DDX3X: variants seen among roughly 807,000 people sequenced by gnomAD.
The protein encoded by DDX3X is DEAD-box helicase 3 X-linked, also known as ATP-dependent RNA helicase DDX3X.
DDX3X carries 4 observed loss-of-function variants against 52.7 expected under a neutral mutation model. That is an observed-to-expected ratio of 0.08 (90% confidence interval 0.04 to 0.17). The LOEUF is 0.17. Ranked by LOEUF, DDX3X falls within the 10% of genes least tolerant of loss-of-function variation. The pLI, the probability that DDX3X is intolerant of heterozygous loss-of-function variation, is 1.00. For missense variants in DDX3X, 222 were observed against 548.6 expected (o/e 0.40, Z 5.95); for synonymous variants, 192 against 178.1 (o/e 1.08, Z -0.62).
At chrX:41,343,850 T>C in intron 8 of DDX3X, 28 bp downstream of exon 8, 1 of 1,116,793 alleles carries the variant, frequency 9.0e-7, no homozygotes, top group South Asian at 1.9e-5. Flanking sequence ...AAATGGGAAA[T>C]TGTAGAACTT....
chrX:41,353,047 C>G (rs1002800405), downstream of DDX3X, among the ~76,000 whole-genome samples: 1 of 111,845 alleles, frequency 8.9e-6, no homozygotes, highest in Non-Finnish European at 1.9e-5. Context: ...CAGACCTTAT[C>G]CTGTAGCTGA....
intron 3 of DDX3X, chrX:41,340,590 G>T (rs1440078655): frequency 1.2e-5 from 3 of 260,489 alleles, no homozygotes; most frequent in African/African-American, 5.6e-5. Flanking sequence ...CAGGAACCTT[G>T]TCTATACTGA....
At position 41,342,856 on chromosome X, in the gene DDX3X, T is replaced by G; in HGVS notation, c.543+20T>G. ...GAAAGTGTGAGTATTTTTGCTTGAC[T>G]TTTTAAGACACAGAGAGGTTAAATG... On this transcript the variant is annotated intron_variant, in intron 6 of 16. Coordinates refer to ENST00000644876, the MANE Select transcript of DDX3X (RefSeq NM_001356.5). 8.8e-7 allele frequency: 1 copy of G among 1,134,040 alleles called. No homozygotes were observed. Among genetic ancestry groups the G allele is most frequent in the Non-Finnish European group, 1.2e-6 (1 of 824,723 alleles). 93.5% of individuals were successfully genotyped at this position (1,134,040 alleles called of 1,213,427 possible).
intron 4 of DDX3X, 63 bp downstream of exon 4, chrX:41,341,679 G>GGTCAGGATA: frequency 9.6e-7 from 1 of 1,045,338 alleles, no homozygotes; most frequent in Non-Finnish European, 1.3e-6. Context: ...TCGTTATCCT[G>GGTCAGGATA]ACCACCTGTT....
intron 4 of DDX3X, chrX:41,342,220 G>T: frequency 3.6e-6 from 1 of 275,181 alleles, no homozygotes; most frequent in South Asian, 7.4e-5. Context: ...GCTGTGTGCC[G>T]ATTTCAAATA....
rs368761223 is a variant in DDX3X at position 41,344,286 on chromosome X, C to T, written c.912C>T (p.Ala304=). The T allele has an allele frequency of 1.6e-5, 19 of 1,209,360 alleles. No individual in the cohort carries two copies. The highest frequency in any genetic ancestry group is 7.0e-5 in the African/African-American group (4 of 56,984). Residue 304 remains alanine, a synonymous_variant, in exon 10 of 17, where the codon GCC becomes GCT. Coordinates refer to ENST00000644876, the MANE Select transcript of DDX3X (RefSeq NM_001356.5). Reference sequence around the variant, plus strand: ...GTCCTTGCGTGGTTTATGGTGGTGCCGATATTGGTCAGCAGATTCGAGACT... The same window carrying T: ...GTCCTTGCGTGGTTTATGGTGGTGCTGATATTGGTCAGCAGATTCGAGACT... ...RVRPCVVYGG[A]DIGQQIRDLE... is the part of the protein sequence containing the mutation.
chrX:41,361,995 A>G (rs755176519), intron 5 of DDX3X, among the ~76,000 whole-genome samples: 5 of 107,013 alleles, frequency 4.7e-5, no homozygotes, highest in African/African-American at 1.7e-4. Flanking sequence ...TTTCTCTCAT[A>G]CCACTTGTCA....
At chrX:41,343,968 G>A in intron 8 of DDX3X, 62 bp from the exon 9 acceptor site, 1 of 1,035,631 alleles carries the variant, frequency 9.7e-7, no homozygotes. Flanking sequence ...AGGGAATTAT[G>A]TTGTGATGAA....
intron 5 of DDX3X, among the ~76,000 whole-genome samples, chrX:41,356,969 T>G (rs2064012075): frequency 1.0e-5 from 1 of 95,459 alleles, no homozygotes; most frequent in Non-Finnish European, 2.1e-5. Flanking sequence ...AGTCTTGCTC[T>G]GTCACCCAGG....
At chrX:41,343,153 T>C in intron 6 of DDX3X, 63 bp from the exon 7 acceptor site, 2 of 1,128,125 alleles carry the variant, frequency 1.8e-6, no homozygotes, top group Non-Finnish European at 2.4e-6. Context: ...GTTGTTTCCA[T>C]TATTAGTATA....
At chrX:41,354,033 C>T (rs2063999242), downstream of DDX3X, among the ~76,000 whole-genome samples, 2 of 111,452 alleles carry the variant, frequency 1.8e-5, no homozygotes, top group South Asian at 3.7e-4. Flanking sequence ...TTTATCCTTT[C>T]CTGAGCAGAT....
intron 5 of DDX3X, among the ~76,000 whole-genome samples, chrX:41,361,002 C>T (rs2147373459): frequency 9.2e-6 from 1 of 109,133 alleles, no homozygotes; most frequent in Admixed American, 1.0e-4. Context: ...CCTCAGCCTC[C>T]CAAACTGTTG....
At chrX:41,354,398 G>A (rs749358281), downstream of DDX3X, among the ~76,000 whole-genome samples, 9 of 95,089 alleles carry the variant, frequency 9.5e-5, no homozygotes, top group South Asian at 4.0e-3. Flanking sequence ...ACCATAGCTC[G>A]CAGTAGCCTT....
In DDX3X at chrX:41,349,894, T is replaced by TTG. The variant is rs1423187461; in HGVS notation, c.*2181_*2182dup. ...TGTTTGTTGTGTGGATTTTGTTTAG[T>TTG]TGTGTGTTTTTTTTTTTTTTTCAGT... On this transcript the variant is annotated 3_prime_UTR_variant, in exon 17 of 17. Transcript: ENST00000644876. 5 of 103,709 alleles carry TTG rather than the reference T, an allele frequency of 4.8e-5. No individual in the cohort carries two copies. The East Asian group carries it at 1.0e-3, about 21-fold the overall frequency. 8.5% of individuals were successfully genotyped at this position (103,709 alleles called of 1,213,427 possible).
chrX:41,345,386 A>T lies in DDX3X; in HGVS notation c.1171-18A>T, dbSNP rs773747447. On this transcript the variant is annotated intron_variant, in intron 11 of 16. Transcript: ENST00000644876. ...ATTTGTTTATCTCAGGTAATAATAA[A>T]AATTTTTTTTCTTTCAGATGCTGGC... 1.2e-5 allele frequency: 14 copies of T among 1,196,502 alleles called. No homozygotes were observed. In the East Asian group the frequency reaches 1.8e-4, roughly 15 times the overall value.
chrX:41,340,373 T>G (rs12851342), intron 3 of DDX3X: 13,368 of 115,160 alleles, frequency 0.12, 760 homozygotes, highest in Non-Finnish European at 0.17. Context: ...TAACTCTTTC[T>G]TGCTAGCAAA....
chrX:41,345,427 T>A lies in DDX3X; in HGVS notation c.1194T>A (p.Asp398Glu). 8.3e-7 allele frequency: 1 copy of A among 1,205,444 alleles called. No homozygotes were observed. The highest frequency in any genetic ancestry group is 2.3e-4 in the Middle Eastern group (1 of 4,320). ...AGATGCTGGCTCGTGATTTCTTAGA[T>A]GAATATATCTTCTTGGCTGTAGGAA... is the stretch of plus-strand genomic sequence containing the variant. ...EIQMLARDFL[D>E]EYIFLAVGRV... The change falls in exon 12 of 17, where the codon GAT becomes GAA. Residue 398 changes from aspartate to glutamate, a missense_variant. This residue lies in a region of DDX3X where 73 missense variants were observed against 301.4 expected (regional missense o/e 0.24). Coordinates refer to ENST00000644876, the MANE Select transcript of DDX3X (RefSeq NM_001356.5).
chrX:41,347,208 G>C, intron 15 of DDX3X, 104 bp from the exon 16 acceptor site: 2 of 998,494 alleles, frequency 2.0e-6, no homozygotes, highest in Non-Finnish European at 2.8e-6. Context: ...GCTGGATGGG[G>C]AATTGTTTGA....
rs1008965180 is a variant in DDX3X at position 41,334,288 on chromosome X, G to C, written c.36G>C (p.Leu12=). 8.3e-7 allele frequency: 1 copy of C among 1,211,198 alleles called. No individual in the cohort carries two copies. Among genetic ancestry groups the C allele is most frequent in the Admixed American group, 2.2e-5 (1 of 46,077 alleles). The part of the protein sequence containing the change: ...SHVAVENALG[L]DQQFAGLDLN... ...TGGCAGTGGAAAATGCGCTCGGGCT[G>C]GACCAGCAGGTGAGCCGCAAGAACC... Residue 12 remains leucine (L), a synonymous_variant, in exon 1 of 17, where the codon CTG becomes CTC. Transcript: ENST00000644876.
Sources: gnomAD v4.1 joint callset for allele counts (sites outside exome capture counted in the v4.1 genomes callset) on GRCh38, gnomAD v4.1.1 for gene constraint, gnomAD v4.1.1 regional missense constraint, MANE v1.5 for transcripts, NCBI Gene and HGNC (gene_info 2026-07-23, HGNC 2026-07-21) for gene names.